MYO1D: variants seen among roughly 807,000 people sequenced by gnomAD.
MYO1D encodes the protein unconventional myosin-Id.
Under a neutral mutation model 122.0 loss-of-function variants are expected in MYO1D, and 83 were observed. The ratio of observed to expected loss-of-function variants is 0.68; its 90% CI spans 0.57 to 0.82. The LOEUF (loss-of-function observed/expected upper bound fraction) is 0.82, where lower values mean the gene tolerates loss of function less well. Among genes scored for constraint, MYO1D ranks in the 40% least tolerant of loss-of-function variants. The pLI, the probability that MYO1D is intolerant of heterozygous loss-of-function variation, is 0.00. For missense variants in MYO1D, 1,157 were observed against 1,269.5 expected (o/e 0.91, Z 1.35); for synonymous variants, 464 against 446.9 (o/e 1.04, Z -0.48).
intron 16 of MYO1D, among the ~76,000 whole-genome samples, chr17:32,699,153 T>TG (rs2089213542): frequency 6.6e-6 from 1 of 151,918 alleles, no homozygotes; most frequent in African/African-American, 2.4e-5. Context: ...TTAGTAGAGA[T>TG]GGGGTTTCAC....
chr17:32,818,125 CAAAAAAAA>C (rs58466009), intron 1 of MYO1D, among the ~76,000 whole-genome samples: 3 of 46,018 alleles, frequency 6.5e-5, no homozygotes, highest in African/African-American at 1.3e-4. Context: ...GACTCCGTCT[CAAAAAAAA>C]AAAAAAAAAA....
intron 1 of MYO1D, chr17:32,830,343 T>C (rs746254982): frequency 1.3e-5 from 2 of 152,200 alleles, no homozygotes; most frequent in Non-Finnish European, 2.9e-5. Flanking sequence ...ATGCTTTAAA[T>C]AGCATTTATC....
Position 32,764,900 on chromosome 17 carries a change from T to C in MYO1D, c.1013A>G (p.Tyr338Cys). 2 of 1,614,194 alleles carry C rather than the reference T, an allele frequency of 1.2e-6. No homozygotes were observed. The highest frequency in any genetic ancestry group is 1.7e-6 in the Non-Finnish European group (2 of 1,180,032). Reference sequence around the variant, plus strand: ...CACCTTGGCAAAGGCGTCTCTGCCGTAGCTGGCCTCTTGTTCTGTGTGCTG... The same window carrying C: ...CACCTTGGCAAAGGCGTCTCTGCCGCAGCTGGCCTCTTGTTCTGTGTGCTG... ...DKQHTEQEAS[Y>C]GRDAFAKAIY... Residue 338 changes from tyrosine to cysteine, a missense_variant, in exon 8 of 22, where the codon TAC (tyrosine) becomes TGC (cysteine). By Grantham distance (194) the Tyr-to-Cys change is radical. Transcript: ENST00000318217.
chr17:32,767,789 T>C (rs769309061), intron 6 of MYO1D, 37 bp from the exon 7 acceptor site: 4 of 1,411,544 alleles, frequency 2.8e-6, no homozygotes, highest in Non-Finnish European at 4.0e-6. Flanking sequence ...TTACAGATAT[T>C]TCCTATGAGC....
At chr17:32,810,637 CG>C (rs2090562858) in intron 1 of MYO1D, among the ~76,000 whole-genome samples, 2 of 151,978 alleles carry the variant, frequency 1.3e-5, no homozygotes, top group African/African-American at 4.8e-5. Flanking sequence ...CCACCATGCT[CG>C]GCTAATTTTT....
chr17:32,753,376 C>T (rs1440709373), intron 11 of MYO1D, among the ~76,000 whole-genome samples: 1 of 152,012 alleles, frequency 6.6e-6, no homozygotes, highest in African/African-American at 2.4e-5. Flanking sequence ...ACATGTACAC[C>T]TCCCAGATCT....
chr17:32,531,719 G>C (rs1910512558), intron 21 of MYO1D, among the ~76,000 whole-genome samples: 1 of 151,476 alleles, frequency 6.6e-6, no homozygotes, highest in African/African-American at 2.5e-5. Context: ...CATAATGATG[G>C]ATAGCGGAGA....
intron 13 of MYO1D, among the ~76,000 whole-genome samples, chr17:32,743,671 G>A (rs529221245): frequency 3.0e-3 from 457 of 151,758 alleles, no homozygotes; most frequent in African/African-American, 0.01. Flanking sequence ...AGGCTGGAGT[G>A]CAGTGGCGCG....
intron 14 of MYO1D, among the ~76,000 whole-genome samples, chr17:32,736,469 C>T (rs964677675): frequency 6.6e-6 from 1 of 152,134 alleles, no homozygotes; most frequent in African/African-American, 2.4e-5. Context: ...GATGGTAGAG[C>T]GGAAGGACAG....
chr17:32,822,550 T>TCGTCCGCTCCGTGC (rs548637699), intron 1 of MYO1D, among the ~76,000 whole-genome samples: 1 of 149,262 alleles, frequency 6.7e-6, no homozygotes, highest in Non-Finnish European at 1.5e-5. Flanking sequence ...CCGGGGCGGC[T>TCGTCCGCTCCGTGC]CGGGACGGGG....
chr17:32,524,372 A>C (rs1910265580), intron 21 of MYO1D, among the ~76,000 whole-genome samples: 1 of 152,090 alleles, frequency 6.6e-6, no homozygotes, highest in Non-Finnish European at 1.5e-5. Context: ...GGATGGAAAA[A>C]ATGAACTTAC....
At chr17:32,531,882 T>C (rs1489402046) in intron 21 of MYO1D, among the ~76,000 whole-genome samples, 1 of 152,256 alleles carries the variant, frequency 6.6e-6, no homozygotes, top group Non-Finnish European at 1.5e-5. Flanking sequence ...TATGTGTCAC[T>C]TTTTATGTTC....
chr17:32,686,266 T>C (rs1175130720), intron 16 of MYO1D: 1 of 151,932 alleles, frequency 6.6e-6, no homozygotes, highest in Non-Finnish European at 1.5e-5. Flanking sequence ...CAGTGGAAAA[T>C]ATGACAACAG....
At chr17:32,800,299 A>G (rs2090450022) in intron 1 of MYO1D, among the ~76,000 whole-genome samples, 1 of 152,242 alleles carries the variant, frequency 6.6e-6, no homozygotes, top group Non-Finnish European at 1.5e-5. Flanking sequence ...GTTTTCATCA[A>G]CAGAGGAATA....
chr17:32,566,015 G>A (rs394824), intron 21 of MYO1D, among the ~76,000 whole-genome samples: 63,426 of 151,696 alleles, frequency 0.42, 13,410 homozygotes, highest in East Asian at 0.56. Context: ...GTGAGCCACC[G>A]CACCCGGCCT....
chr17:32,766,434 G>A (rs571530982), intron 7 of MYO1D, among the ~76,000 whole-genome samples: 3 of 152,102 alleles, frequency 2.0e-5, no homozygotes, highest in African/African-American at 7.2e-5. Flanking sequence ...TACCCTATAC[G>A]ACACTTCTTT....
intron 17 of MYO1D, among the ~76,000 whole-genome samples, chr17:32,657,248 A>T (rs957417731): frequency 1.3e-5 from 2 of 152,286 alleles, no homozygotes; most frequent in Admixed American, 1.3e-4. Context: ...TAAGAATGTT[A>T]CAATCACAGT....
chr17:32,627,254 A>G (rs995970753), intron 20 of MYO1D, among the ~76,000 whole-genome samples: 1 of 152,194 alleles, frequency 6.6e-6, no homozygotes, highest in Non-Finnish European at 1.5e-5. Context: ...AGTTGAAAGG[A>G]TTGAGGGAGG....
chr17:32,605,095 A>G lies in MYO1D; in HGVS notation c.2856T>C (p.His952=), dbSNP rs773972097. ...IGELVGVLVN[H]FKSEKRHLQV... is the part of the protein sequence containing the mutation. ...CAAAAATCAAACTTTACCTCTTGAAATGATTCACCAGCACTCCAACAAGTT... is the reference window on the plus strand; with the variant it reads ...CAAAAATCAAACTTTACCTCTTGAAGTGATTCACCAGCACTCCAACAAGTT... The change falls in exon 21 of 22, where the codon CAT becomes CAC. Residue 952 remains histidine, a synonymous_variant. Coordinates refer to ENST00000318217, the MANE Select transcript of MYO1D (RefSeq NM_015194.3). The G allele has an allele frequency of 7.6e-6, 12 of 1,581,838 alleles. No individual in the cohort carries two copies. The South Asian group carries it at 1.3e-4, about 17-fold the overall frequency.
Sources: gnomAD v4.1 joint callset for allele counts (sites outside exome capture counted in the v4.1 genomes callset) on GRCh38, gnomAD v4.1.1 for gene constraint, MANE v1.5 for transcripts, NCBI Gene and HGNC (gene_info 2026-07-23, HGNC 2026-07-21) for gene names.